The following COPG2 variants were observed in gnomAD, a reference collection of about 807,000 sequenced individuals.
COPG2 encodes coat protein complex I subunit gamma 2.
Under a neutral mutation model 46.3 loss-of-function variants are expected in COPG2, and 37 were observed. That is an observed-to-expected ratio of 0.80 (90% CI 0.61 to 1.05). COPG2 has a LOEUF of 1.05. Among genes scored for constraint, COPG2 ranks in the 50% least tolerant of loss-of-function variants. The pLI is 0.00. For synonymous variants in COPG2, 159 were observed against 129.7 expected, an observed-to-expected ratio of 1.23 and a Z score of -1.53; for missense variants, 427 against 387.8, an observed-to-expected ratio of 1.10 and a Z score of -0.85.
intron 20 of COPG2, among the ~76,000 whole-genome samples, chr7:130,540,335 G>A (rs944617780): frequency 6.6e-6 from 1 of 152,018 alleles, no homozygotes; most frequent in Non-Finnish European, 1.5e-5. Context: ...CTGGTTTTTA[G>A]GAAACAACTG....
intron 3 of COPG2, among the ~76,000 whole-genome samples, chr7:130,665,341 T>C (rs1554461270): frequency 6.6e-6 from 1 of 152,252 alleles, no homozygotes; most frequent in African/African-American, 2.4e-5. Flanking sequence ...GCACCATATG[T>C]AAACCACCTG....
At chr7:130,627,597 G>A (rs898047094) in intron 5 of COPG2, among the ~76,000 whole-genome samples, 18 of 151,930 alleles carry the variant, frequency 1.2e-4, no homozygotes. Flanking sequence ...ACCCATCTTG[G>A]GCAATTCTTT....
chr7:130,589,281 CTTTTTT>C (rs782136713), intron 9 of COPG2, among the ~76,000 whole-genome samples: 1 of 145,294 alleles, frequency 6.9e-6, no homozygotes, highest in African/African-American at 2.5e-5. Flanking sequence ...TACAGGTTTA[CTTTTTT>C]TTTTTTTAAG....
At chr7:130,621,077 T>C (rs1015032526) in intron 5 of COPG2, among the ~76,000 whole-genome samples, 2 of 152,190 alleles carry the variant, frequency 1.3e-5, no homozygotes, top group African/African-American at 4.8e-5. Context: ...AGAGGGAGAT[T>C]TGACACAGGA....
chr7:130,610,421 G>T, intron 9 of COPG2: 1 of 414,012 alleles, frequency 2.4e-6, no homozygotes, highest in Non-Finnish European at 4.7e-6. Flanking sequence ...TTAGAGCTCA[G>T]CCATAAGCCT....
chr7:130,624,348 T>C (rs1217061483), intron 5 of COPG2, among the ~76,000 whole-genome samples: 1 of 152,208 alleles, frequency 6.6e-6, no homozygotes, highest in Admixed American at 6.5e-5. Context: ...TTTTTGGTTG[T>C]TGTTGTAAAT....
chr7:130,605,827 T>C (rs782642184), intron 9 of COPG2: 1 of 513,848 alleles, frequency 1.9e-6, no homozygotes, highest in Non-Finnish European at 3.9e-6. Context: ...AATCTACAGA[T>C]CTGAGATAAT....
At chr7:130,632,919 G>A (rs782290698) in intron 5 of COPG2, among the ~76,000 whole-genome samples, 9 of 151,734 alleles carry the variant, frequency 5.9e-5, no homozygotes, top group Non-Finnish European at 1.0e-4. Flanking sequence ...GACAGGCCCC[G>A]GTGTGTGATG....
chr7:130,623,150 G>A (rs1000164642), intron 5 of COPG2, among the ~76,000 whole-genome samples: 1 of 152,040 alleles, frequency 6.6e-6, no homozygotes, highest in South Asian at 2.1e-4. Flanking sequence ...TGAAGTGTGG[G>A]GTATTTCTGT....
chr7:130,568,088 C>A (rs1345469612), intron 9 of COPG2, among the ~76,000 whole-genome samples: 2 of 151,988 alleles, frequency 1.3e-5, no homozygotes, highest in African/African-American at 4.8e-5. Flanking sequence ...ACCAGCCTGG[C>A]CAACATGGTG....
intron 9 of COPG2, among the ~76,000 whole-genome samples, chr7:130,570,107 C>G (rs1793871022): frequency 6.6e-6 from 1 of 152,078 alleles, no homozygotes; most frequent in African/African-American, 2.4e-5. Flanking sequence ...TTATACTGAA[C>G]AGGAAAAAGT....
At chr7:130,579,840 T>C (rs1554446847) in intron 9 of COPG2, among the ~76,000 whole-genome samples, 1 of 152,182 alleles carries the variant, frequency 6.6e-6, no homozygotes, top group African/African-American at 2.4e-5. Context: ...CCCAGATTCA[T>C]AAAGCAAGTC....
chr7:130,636,884 T>C (rs185304207), intron 5 of COPG2, among the ~76,000 whole-genome samples: 49 of 152,336 alleles, frequency 3.2e-4, no homozygotes, highest in Middle Eastern at 3.4e-3. Flanking sequence ...CCATATTTAG[T>C]GCTCCTTTCA....
At chr7:130,613,450 CTG>C in intron 7 of COPG2, 92 bp downstream of exon 7, 1 of 794,344 alleles carries the variant, frequency 1.3e-6, no homozygotes, top group Non-Finnish European at 2.1e-6. Context: ...ATATTTTTAA[CTG>C]TTTCATTTGT....
chr7:130,524,253 T>C (rs887127970), intron 20 of COPG2, among the ~76,000 whole-genome samples: 68 of 151,708 alleles, frequency 4.5e-4, no homozygotes, highest in African/African-American at 1.0e-3. Context: ...CTGCATCTGG[T>C]GGAGCAGCGG....
At chr7:130,636,538 GTTTTT>G (rs59688621) in intron 5 of COPG2, among the ~76,000 whole-genome samples, 16 of 94,106 alleles carry the variant, frequency 1.7e-4, no homozygotes, top group Non-Finnish European at 2.2e-4. Flanking sequence ...ATTGCAACCG[GTTTTT>G]TTTTTTTTTT....
At chr7:130,510,863 TG>T (rs1799583581) in intron 20 of COPG2, 1 of 514,402 alleles carries the variant, frequency 1.9e-6, no homozygotes, top group African/African-American at 1.9e-5. Flanking sequence ...GGCCTTTCCA[TG>T]GCAAGAAAAT....
chr7:130,638,762 C>T (rs1340838133), intron 5 of COPG2, among the ~76,000 whole-genome samples: 3 of 151,642 alleles, frequency 2.0e-5, no homozygotes, highest in South Asian at 2.1e-4. Context: ...GCATTCCAGG[C>T]GCCACTGAGG....
intron 5 of COPG2, among the ~76,000 whole-genome samples, chr7:130,632,706 T>G (rs1234113255): frequency 6.6e-6 from 1 of 152,178 alleles, no homozygotes; most frequent in Non-Finnish European, 1.5e-5. Flanking sequence ...AACCTGTTCC[T>G]CTGACATCTC....
Sources: allele counts gnomAD v4.1 joint callset (sites outside exome capture counted in the v4.1 genomes callset), GRCh38; gene constraint gnomAD v4.1.1; transcripts MANE v1.5; gene names NCBI Gene and HGNC (gene_info 2026-07-23, HGNC 2026-07-21).